The following CSRNP1 variants were observed in gnomAD, a reference collection of about 807,000 sequenced individuals.
CSRNP1 encodes cysteine/serine-rich nuclear protein 1.
CSRNP1 carries 8 observed loss-of-function variants against 25.0 expected under a neutral mutation model. The observed-to-expected ratio is 0.32, with a 90% confidence interval of 0.19 to 0.58. CSRNP1 has a LOEUF of 0.58. Among genes scored for constraint, CSRNP1 ranks in the 20% least tolerant of loss-of-function variants. The pLI is 0.88. For missense variants in CSRNP1, 691 were observed against 773.1 expected (o/e 0.89, Z 1.26); for synonymous variants, 305 against 303.1 (o/e 1.01, Z -0.06).
Position 39,147,211 on chromosome 3 carries a change from C to CTGTGTGTGTGTGTG in CSRNP1, c.-40-503_-40-490dup, listed in dbSNP as rs10679310. On this transcript the variant is annotated intron_variant, in intron 1 of 4. Coordinates refer to ENST00000273153, the MANE Select transcript of CSRNP1 (RefSeq NM_033027.4). Reference sequence around the variant, plus strand: ...ATTCACACAGCTTGCATCTGTGTGCCTGTGTGTGTGTGTGTGTGTGTGTGT... The same window carrying CTGTGTGTGTGTGTG: ...ATTCACACAGCTTGCATCTGTGTGCCTGTGTGTGTGTGTGTGTGTGTGTGTGTGTGTGTGTGTGT... 6.5e-4 allele frequency among the ~76,000 whole-genome samples: 96 copies of CTGTGTGTGTGTGTG among 148,550 alleles called. 1 individual carries two copies. The highest frequency in any genetic ancestry group is 2.2e-3 in the African/African-American group (89 of 40,246).
At chr3:39,145,284 G>T (rs1273541418) in intron 2 of CSRNP1, 28 bp from the exon 3 acceptor site, 2 of 1,537,466 alleles carry the variant, frequency 1.3e-6, no homozygotes, top group Admixed American at 2.0e-5. Flanking sequence ...ATGGGCTGGG[G>T]ATTAGTTTTC....
intron 2 of CSRNP1, 94 bp from the exon 3 acceptor site, chr3:39,145,350 ACCTTTTCCCTCCTCCCT>A: frequency 1.4e-6 from 2 of 1,384,952 alleles, no homozygotes; most frequent in East Asian, 4.9e-5. Context: ...CCCGCCTCCC[ACCTTTTCCCTCCTCCCT>A]CTCCACCCAT....
chr3:39,149,884 CCTG>C (rs1331084568), intron 1 of CSRNP1: 2 of 152,336 alleles, frequency 1.3e-5, no homozygotes, highest in African/African-American at 2.4e-5. Flanking sequence ...TTTCTGTGCT[CCTG>C]CTATGGACTG....
rs138372931 is a variant in CSRNP1, at chr3:39,144,365, C to T, written c.552G>A (p.Leu184=). The T allele has an allele frequency of 3.5e-4, 561 of 1,614,126 alleles. 5 individuals carry two copies. In the Middle Eastern group the frequency reaches 4.8e-3, roughly 14 times the overall value. Residue 184 remains leucine, a synonymous_variant, in exon 4 of 5, where the codon TTG becomes TTA. Transcript: ENST00000273153. ...ACCGGCCACCTGCCACAGCGACTGC[C>T]AAGTCCTCCTCCACAGAGGCGTCAT... is the stretch of plus-strand genomic sequence containing the variant. ...AIDDASVEED[L]AVAVAGGRLE...
In CSRNP1 at chr3:39,142,997, C is replaced by A; in HGVS notation, c.*58G>T. ...CTGTTACGCAGACTCTGGGGAGCCC[C>A]ATAATTACAAGAAAGCAGCAACAGG... On this transcript the variant is annotated 3_prime_UTR_variant, in exon 5 of 5. Transcript: ENST00000273153. 1 of 1,516,742 alleles carries A rather than the reference C, an allele frequency of 6.6e-7. No homozygotes were observed. The highest frequency in any genetic ancestry group is 1.3e-5 in the South Asian group (1 of 74,822). 94.0% of individuals were successfully genotyped at this position (1,516,742 alleles called of 1,614,324 possible).
upstream of CSRNP1, chr3:39,154,118 CTG>C (rs1427226512): frequency 6.6e-6 from 1 of 152,124 alleles, no homozygotes; most frequent in East Asian, 1.9e-4. Flanking sequence ...GAAAAGTAAA[CTG>C]TGGCTGGAGA....
At chr3:39,144,746 T>G (rs1191694921) in intron 3 of CSRNP1, among the ~76,000 whole-genome samples, 2 of 148,074 alleles carry the variant, frequency 1.4e-5, no homozygotes, top group Non-Finnish European at 3.0e-5. Context: ...CACATCCCCC[T>G]CTCCAAAAAG....
In CSRNP1 at chr3:39,143,144, C is replaced by G; in HGVS notation, c.1681G>C (p.Glu561Gln). Residue 561 changes from glutamate (E) to glutamine (Q), a missense_variant, in exon 5 of 5, where the codon GAG becomes CAG. Coordinates refer to ENST00000273153, the MANE Select transcript of CSRNP1 (RefSeq NM_033027.4). ...CFLESLMGFS[E>Q]PAAEALDPFI... The stretch of plus-strand genomic sequence containing the variant: ...GGATCTAGGGCTTCGGCGGCTGGCT[C>G]GGAGAAGCCCATGAGGGACTCCAGG... 1 of 1,614,054 alleles carries G rather than the reference C, an allele frequency of 6.2e-7. No homozygotes were observed. Among genetic ancestry groups the G allele is most frequent in the Non-Finnish European group, 8.5e-7 (1 of 1,179,920 alleles).
Position 39,153,448 on chromosome 3 carries a change from G to C in CSRNP1, c.-51C>G. 3.0e-6 allele frequency: 1 copy of C among 330,954 alleles called. No individual in the cohort carries two copies. Among genetic ancestry groups the C allele is most frequent in the South Asian group, 2.0e-5 (1 of 50,912 alleles). 20.5% of individuals were successfully genotyped at this position (330,954 alleles called of 1,614,324 possible). On this transcript the variant is annotated 5_prime_UTR_variant, in exon 1 of 5. Coordinates refer to ENST00000273153, the MANE Select transcript of CSRNP1 (RefSeq NM_033027.4). ...CCCCTCGGCGCTCACCTGCAATCCG[G>C]ACGCTCGCGGAGGACAACGACGCGA...
chr3:39,151,351 C>T (rs772169320), intron 1 of CSRNP1: 1 of 152,828 alleles, frequency 6.5e-6, no homozygotes, highest in African/African-American at 2.4e-5. Flanking sequence ...CAACCCCCCA[C>T]TCAACTGGCC....
At chr3:39,153,965 CGCAAGGCCA>C (rs2039624111), upstream of CSRNP1, 1 of 152,464 alleles carries the variant, frequency 6.6e-6, no homozygotes, top group African/African-American at 2.4e-5. Context: ...CTCGTAACTC[CGCAAGGCCA>C]CGGGCTAGAC....
intron 2 of CSRNP1, among the ~76,000 whole-genome samples, 191 bp downstream of exon 2, chr3:39,146,287 A>G (rs1458443669): frequency 6.6e-6 from 1 of 152,206 alleles, no homozygotes; most frequent in African/African-American, 2.4e-5. Flanking sequence ...TCCCAAGGTC[A>G]AAGGTGAATT....
chr3:39,150,244 A>T (rs1355228306), intron 1 of CSRNP1: 1 of 152,196 alleles, frequency 6.6e-6, no homozygotes, highest in East Asian at 1.9e-4. Context: ...AAACCCTGGT[A>T]TTTCCCTATC....
Position 39,143,692 on chromosome 3 carries a change from G to A in CSRNP1, c.1133C>T (p.Pro378Leu), listed in dbSNP as rs527732794. 2.0e-5 allele frequency: 32 copies of A among 1,614,106 alleles called. No individual in the cohort carries two copies. Among genetic ancestry groups the A allele is most frequent in the Non-Finnish European group, 2.5e-5 (30 of 1,180,038 alleles). ...AACGCCAGGCTGGAAGCCAGGGCCA[G>A]GCAGGCCTGGGTGGGTGGGGCAGTC... The part of the protein sequence containing the change: ...APDCPTHPGL[P>L]GPGFQPGVDD... The change falls in exon 5 of 5, where the codon CCT (proline) becomes CTT (leucine). Residue 378 changes from proline to leucine, a missense_variant. Transcript: ENST00000273153.
Position 39,144,428 on chromosome 3 carries a change from C to T in CSRNP1, c.489G>A (p.Gln163=). 1 of 1,607,830 alleles carries T rather than the reference C, an allele frequency of 6.2e-7. No individual in the cohort carries two copies. Among genetic ancestry groups the T allele is most frequent in the Non-Finnish European group, 8.5e-7 (1 of 1,176,180 alleles). ...CCACAGGTGGCAGCCCTGCCTCTGCCTGGGGTACCCCAGCTGCCGAAAGCT... is the reference window on the plus strand; with the variant it reads ...CCACAGGTGGCAGCCCTGCCTCTGCTTGGGGTACCCCAGCTGCCGAAAGCT... ...QWKLSAAGVP[Q]AEAGLPPVVD... is the part of the protein sequence containing the mutation. The change falls in exon 4 of 5, where the codon CAG becomes CAA. Residue 163 remains glutamine (Q), a synonymous_variant. Transcript: ENST00000273153.
In CSRNP1 at chr3:39,143,123, C is replaced by G. The variant is rs780866317; in HGVS notation, c.1702G>C (p.Asp568His). 1.9e-6 allele frequency: 3 copies of G among 1,613,726 alleles called. No individual in the cohort carries two copies. The highest frequency in any genetic ancestry group is 2.2e-5 in the South Asian group (2 of 91,050). ...TCAAACTGGCTGTCAATAAAGGGATCTAGGGCTTCGGCGGCTGGCTCGGAG... is the reference window on the plus strand; with the variant it reads ...TCAAACTGGCTGTCAATAAAGGGATGTAGGGCTTCGGCGGCTGGCTCGGAG... ...GFSEPAAEAL[D>H]PFIDSQFEDT... Residue 568 changes from aspartate to histidine, a missense_variant, in exon 5 of 5, where the codon GAT (aspartate) becomes CAT (histidine). Asp to His is a moderately conservative substitution (Grantham distance 81, BLOSUM62 -1). Coordinates refer to ENST00000273153, the MANE Select transcript of CSRNP1 (RefSeq NM_033027.4).
chr3:39,154,435 C>A, upstream of CSRNP1: 1 of 152,474 alleles, frequency 6.6e-6, no homozygotes, highest in Non-Finnish European at 1.5e-5. Flanking sequence ...GCAACCAAGT[C>A]CTGGCCTGGG....
At chr3:39,144,593 T>C (rs971508999) in intron 3 of CSRNP1, 142 bp from the exon 4 acceptor site, 32 of 809,494 alleles carry the variant, frequency 4.0e-5, no homozygotes, top group Non-Finnish European at 5.8e-5. Context: ...TGTCAGACAG[T>C]GAACAGGACA....
At chr3:39,147,211 CTGTGTGTGTGTGTGTGTGTGTGTGTA>C (rs2039525670) in intron 1 of CSRNP1, among the ~76,000 whole-genome samples, 1 of 148,458 alleles carries the variant, frequency 6.7e-6, no homozygotes, top group Non-Finnish European at 1.5e-5. Flanking sequence ...ATCTGTGTGC[CTGTGTGTGTGTGTGTGTGTGTGTGTA>C]TGTGTGTGTG....
Sources: allele counts gnomAD v4.1 joint callset (sites outside exome capture counted in the v4.1 genomes callset), GRCh38; gene constraint gnomAD v4.1.1; transcripts MANE v1.5; gene names NCBI Gene and HGNC (gene_info 2026-07-23, HGNC 2026-07-21).